Variants in RNF220 observed in about 807,000 individuals in gnomAD.
RNF220 encodes E3 ubiquitin-protein ligase RNF220.
A neutral mutation model predicts 67.1 loss-of-function variants in RNF220; 7 were observed. That is an observed-to-expected ratio of 0.10 (90% CI 0.06 to 0.20). The LOEUF is 0.20. Among genes scored for constraint, RNF220 ranks in the 10% least tolerant of loss-of-function variants. The pLI is 1.00. For missense variants in RNF220, 565 were observed against 740.3 expected (o/e 0.76, Z 2.75); for synonymous variants, 270 against 283.2 (o/e 0.95, Z 0.47).
At chr1:44,420,285 A>G (rs1024129055) in intron 2 of RNF220, among the ~76,000 whole-genome samples, 1 of 152,250 alleles carries the variant, frequency 6.6e-6, no homozygotes, top group Non-Finnish European at 1.5e-5. Flanking sequence ...CAGTCTTATG[A>G]GAAATCCAGC....
intron 2 of RNF220, among the ~76,000 whole-genome samples, chr1:44,556,227 T>C (rs1170107249): frequency 6.7e-6 from 1 of 150,170 alleles, no homozygotes; most frequent in Non-Finnish European, 1.5e-5. Context: ...TAGAGACAGG[T>C]TTCACCAAGT....
At chr1:44,426,861 C>T (rs916922120) in intron 2 of RNF220, among the ~76,000 whole-genome samples, 1 of 152,118 alleles carries the variant, frequency 6.6e-6, no homozygotes, top group Non-Finnish European at 1.5e-5. Flanking sequence ...AGGGTTATTC[C>T]TCCAAGTTCC....
intron 2 of RNF220, among the ~76,000 whole-genome samples, chr1:44,561,486 G>T (rs2148290412): frequency 6.6e-6 from 1 of 151,864 alleles, no homozygotes; most frequent in South Asian, 2.1e-4. Context: ...TCCAGCCTGG[G>T]CCACAGAGCA....
chr1:44,595,023 T>C (rs1666375754), intron 2 of RNF220, among the ~76,000 whole-genome samples: 1 of 152,178 alleles, frequency 6.6e-6, no homozygotes, highest in Non-Finnish European at 1.5e-5. Context: ...GCCGTTTAGT[T>C]AGGACCTTGC....
chr1:44,615,682 T>C (rs1643516294), intron 3 of RNF220, among the ~76,000 whole-genome samples: 1 of 152,126 alleles, frequency 6.6e-6, no homozygotes, highest in African/African-American at 2.4e-5. Context: ...CGGGAAGAAC[T>C]GGAGCTTGGG....
At chr1:44,459,015 G>A (rs1653483742) in intron 2 of RNF220, among the ~76,000 whole-genome samples, 1 of 152,102 alleles carries the variant, frequency 6.6e-6, no homozygotes. Flanking sequence ...TTATAACTGT[G>A]CTTTCATCTC....
At chr1:44,425,730 A>C (rs552392142) in intron 2 of RNF220, among the ~76,000 whole-genome samples, 1 of 152,348 alleles carries the variant, frequency 6.6e-6, no homozygotes, top group South Asian at 2.1e-4. Context: ...TTGCTGAGTA[A>C]ATAGATAATC....
In RNF220 at chr1:44,595,359, G is replaced by A. The variant is rs965212386; in HGVS notation, c.626-18806G>A. Among the ~76,000 whole-genome samples the A allele has an allele frequency of 8.5e-5, 13 of 152,294 alleles. No individual in the cohort carries two copies. In the Middle Eastern group the frequency reaches 0.01, roughly 120 times the overall value. On this transcript the variant is annotated intron_variant, in intron 2 of 14. Coordinates refer to ENST00000361799, the MANE Select transcript of RNF220 (RefSeq NM_018150.4). The stretch of plus-strand genomic sequence containing the variant: ...CTAGGCCACCCCCTCCAGGACGCCC[G>A]GGCCCTGTGGTCCATCTGGCCCAGC...
chr1:44,623,091 G>C (rs1643862862), intron 4 of RNF220, among the ~76,000 whole-genome samples: 1 of 152,180 alleles, frequency 6.6e-6, no homozygotes, highest in Non-Finnish European at 1.5e-5. Flanking sequence ...GACACTAAGG[G>C]TGAGAAGACT....
chr1:44,538,204 T>C (rs1039484138), intron 2 of RNF220, among the ~76,000 whole-genome samples: 2 of 152,334 alleles, frequency 1.3e-5, no homozygotes, highest in Admixed American at 1.3e-4. Context: ...GACCTTGTTT[T>C]CAAACTCTCA....
intron 2 of RNF220, among the ~76,000 whole-genome samples, chr1:44,580,333 G>A (rs1449860255): frequency 6.6e-6 from 1 of 152,122 alleles, no homozygotes; most frequent in African/African-American, 2.4e-5. Context: ...GAACTGGAGT[G>A]CCTATGGGTC....
rs1490547279 is a variant in RNF220 at position 44,645,039 on chromosome 1, G to A, written c.1268G>A (p.Gly423Asp). 2 of 1,614,016 alleles carry A rather than the reference G, an allele frequency of 1.2e-6. No individual in the cohort carries two copies. The highest frequency in any genetic ancestry group is 1.7e-6 in the Non-Finnish European group (2 of 1,180,018). ...DVIPCTGEEP[G>D]EAKEREALRG... is the part of the protein sequence containing the mutation. ...ATCCCCTGCACAGGCGAGGAGCCTG[G>A]TGAAGCCAAGGAGAGAGAGGCACTT... Residue 423 changes from glycine to aspartate, a missense_variant, in exon 10 of 15, where the codon GGT becomes GAT. By Grantham distance (94) the Gly-to-Asp change is moderately conservative. Coordinates refer to ENST00000361799, the MANE Select transcript of RNF220 (RefSeq NM_018150.4). The surrounding 1 kb of genome is among the most constrained non-coding windows in gnomAD (Gnocchi z 5.0).
chr1:44,548,970 C>T (rs969033653), intron 2 of RNF220, among the ~76,000 whole-genome samples: 19 of 152,148 alleles, frequency 1.2e-4, no homozygotes, highest in Non-Finnish European at 1.0e-4. Context: ...GAGGCCAAGG[C>T]GGGCAGATCA....
At chr1:44,441,392 T>C (rs1651537046) in intron 2 of RNF220, among the ~76,000 whole-genome samples, 1 of 152,196 alleles carries the variant, frequency 6.6e-6, no homozygotes, top group Non-Finnish European at 1.5e-5. Context: ...CTAGGGTAAA[T>C]ATGGTACCTT....
At chr1:44,421,401 G>T (rs549270130) in intron 2 of RNF220, among the ~76,000 whole-genome samples, 1 of 152,040 alleles carries the variant, frequency 6.6e-6, no homozygotes, top group Non-Finnish European at 1.5e-5. Flanking sequence ...TGGGTTTCTC[G>T]TGTGTCCTTA....
chr1:44,586,947 T>C (rs548443479), intron 2 of RNF220, among the ~76,000 whole-genome samples: 2 of 152,256 alleles, frequency 1.3e-5, no homozygotes, highest in Non-Finnish European at 2.9e-5. Context: ...AACCGCATCA[T>C]AACAATGATA....
chr1:44,475,323 C>A lies in RNF220; in HGVS notation c.625+62601C>A, dbSNP rs1655196445. Among the ~76,000 whole-genome samples the A allele has an allele frequency of 3.9e-5, 6 of 152,172 alleles. No homozygotes were observed. The South Asian group carries it at 1.2e-3, about 32-fold the overall frequency. On this transcript the variant is annotated intron_variant, in intron 2 of 14. Coordinates refer to ENST00000361799, the MANE Select transcript of RNF220 (RefSeq NM_018150.4). ...CGGTGGCTCATGCCTGTAATCCCAG[C>A]ACTTTGGGAGGCCGAGGCGGGCGGA...
chr1:44,552,566 CT>C (rs57847805), intron 2 of RNF220, among the ~76,000 whole-genome samples: 163 of 83,746 alleles, frequency 1.9e-3, no homozygotes, highest in African/African-American at 8.0e-3. Context: ...TAAACTTCTT[CT>C]TTTTTTTTTT....
At chr1:44,535,190 G>A (rs1451816405) in intron 2 of RNF220, among the ~76,000 whole-genome samples, 3 of 146,246 alleles carry the variant, frequency 2.1e-5, no homozygotes, top group African/African-American at 7.7e-5. Context: ...ACCCAGGCTG[G>A]AGTGCAGTGG....
Sources: gnomAD v4.1 joint callset for allele counts (sites outside exome capture counted in the v4.1 genomes callset) on GRCh38, gnomAD v4.1.1 for gene constraint, Gnocchi (gnomAD v3.1) non-coding constraint, MANE v1.5 for transcripts, NCBI Gene and HGNC (gene_info 2026-07-23, HGNC 2026-07-21) for gene names.